SLC26A7: variants seen among roughly 807,000 people sequenced by gnomAD.
SLC26A7 encodes solute carrier family 26 member 7, also known as anion exchange transporter.
SLC26A7 carries 59 observed loss-of-function variants against 82.5 expected under a neutral mutation model. The ratio of observed to expected loss-of-function variants is 0.72; its 90% CI spans 0.58 to 0.89. The LOEUF is 0.89. Ranked by LOEUF, SLC26A7 falls within the 40% of genes least tolerant of loss-of-function variation. The pLI is 0.00. For missense variants in SLC26A7, 820 were observed against 793.0 expected (o/e 1.03, Z -0.41); for synonymous variants, 271 against 274.3 (o/e 0.99, Z 0.12).
Position 91,365,943 on chromosome 8 carries a change from C to T in SLC26A7, c.1489-637C>T, listed in dbSNP as rs564354887. Among the ~76,000 whole-genome samples the T allele has an allele frequency of 2.0e-4, 31 of 152,292 alleles. 1 individual carries two copies. The South Asian group carries it at 5.8e-3, about 29-fold the overall frequency. On this transcript the variant is annotated intron_variant, in intron 13 of 18. Coordinates refer to ENST00000276609, the MANE Select transcript of SLC26A7 (RefSeq NM_052832.4). ...AGAAGACTGTTTTAGTTGCACATCA[C>T]CAAGTGACGGGAAAATGGCCAAAGC...
intron 2 of SLC26A7, among the ~76,000 whole-genome samples, chr8:91,225,299 A>C (rs1419277220): frequency 1.3e-5 from 2 of 152,268 alleles, no homozygotes; most frequent in Middle Eastern, 3.4e-3. Context: ...TCCCAGTGGC[A>C]TGGGTTTGCA....
At chr8:91,225,820 T>A (rs1471740170) in intron 2 of SLC26A7, among the ~76,000 whole-genome samples, 3 of 152,018 alleles carry the variant, frequency 2.0e-5, no homozygotes, top group Non-Finnish European at 1.5e-5. Context: ...CCTTGTCAGA[T>A]TCCAAGGTAC....
intron 15 of SLC26A7, among the ~76,000 whole-genome samples, chr8:91,378,395 A>G (rs940445602): frequency 6.8e-6 from 1 of 146,962 alleles, no homozygotes; most frequent in Non-Finnish European, 1.5e-5. Context: ...TATATATTAT[A>G]TATAATATAA....
chr8:91,297,284 T>C (rs1467723887), intron 4 of SLC26A7, among the ~76,000 whole-genome samples: 1 of 151,964 alleles, frequency 6.6e-6, no homozygotes, highest in Non-Finnish European at 1.5e-5. Flanking sequence ...AACCTTCTGC[T>C]TAGTCTCATT....
At chr8:91,293,886 G>A (rs917508915) in intron 3 of SLC26A7, among the ~76,000 whole-genome samples, 12 of 152,012 alleles carry the variant, frequency 7.9e-5, no homozygotes, top group Non-Finnish European at 1.8e-4. Flanking sequence ...ATATAACCTC[G>A]GAAATATGTC....
chr8:91,308,121 A>G (rs1466383437), intron 4 of SLC26A7, among the ~76,000 whole-genome samples: 2 of 152,056 alleles, frequency 1.3e-5, no homozygotes, highest in East Asian at 3.9e-4. Flanking sequence ...GACTTTTTAA[A>G]TTTTTAATTA....
intron 3 of SLC26A7, 105 bp from the exon 4 acceptor site, chr8:91,295,426 A>G: frequency 7.8e-7 from 1 of 1,277,888 alleles, no homozygotes; most frequent in African/African-American, 1.5e-5. Flanking sequence ...TGTTTCTAAT[A>G]GATCTGTTTG....
chr8:91,336,425 G>A (rs577251706), intron 6 of SLC26A7, among the ~76,000 whole-genome samples: 4 of 152,108 alleles, frequency 2.6e-5, no homozygotes, highest in South Asian at 2.1e-4. Flanking sequence ...AACTTCACAC[G>A]TGAGAAATCT....
chr8:91,309,491 A>C (rs1401516223), intron 4 of SLC26A7, among the ~76,000 whole-genome samples: 1 of 151,426 alleles, frequency 6.6e-6, no homozygotes, highest in Admixed American at 6.6e-5. Flanking sequence ...TCCAGTATAT[A>C]TAATATATAA....
Position 91,395,799 on chromosome 8 carries a change from T to C in SLC26A7, c.*702T>C, listed in dbSNP as rs1222021840. 6.6e-6 allele frequency: 1 copy of C among 152,104 alleles called. No homozygotes were observed. Among genetic ancestry groups the C allele is most frequent in the East Asian group, 1.9e-4 (1 of 5,198 alleles). 9.4% of individuals were successfully genotyped at this position (152,104 alleles called of 1,614,324 possible). Reference sequence around the variant, plus strand: ...GTGAATATTGGAAATGCTTAGGATCTTCAGACCCAATAGCTCTAATTTTAA... The same window carrying C: ...GTGAATATTGGAAATGCTTAGGATCCTCAGACCCAATAGCTCTAATTTTAA... On this transcript the variant is annotated 3_prime_UTR_variant, in exon 19 of 19. Transcript: ENST00000276609.
intron 2 of SLC26A7, among the ~76,000 whole-genome samples, chr8:91,224,592 C>A (rs1321188702): frequency 2.0e-5 from 3 of 152,168 alleles, no homozygotes; most frequent in African/African-American, 7.2e-5. Flanking sequence ...TTGAGAGGCC[C>A]CAACCCCTGA....
chr8:91,371,577 C>A (rs1349948693), intron 15 of SLC26A7, among the ~76,000 whole-genome samples: 4 of 151,878 alleles, frequency 2.6e-5, no homozygotes, highest in Non-Finnish European at 4.4e-5. Context: ...TAATTTCATT[C>A]TTTTCTATGG....
At chr8:91,277,869 A>G (rs1413167494) in intron 2 of SLC26A7, among the ~76,000 whole-genome samples, 1 of 152,108 alleles carries the variant, frequency 6.6e-6, no homozygotes, top group Non-Finnish European at 1.5e-5. Flanking sequence ...TTCCCCCCCA[A>G]ATTAGTGACT....
intron 2 of SLC26A7, among the ~76,000 whole-genome samples, chr8:91,274,812 T>C (rs1306998464): frequency 6.6e-6 from 1 of 152,218 alleles, no homozygotes; most frequent in Non-Finnish European, 1.5e-5. Context: ...AGATTTTAGC[T>C]TTGCTACCTG....
chr8:91,223,920 T>A (rs1365208566), intron 2 of SLC26A7, among the ~76,000 whole-genome samples: 1 of 151,920 alleles, frequency 6.6e-6, no homozygotes, highest in East Asian at 1.9e-4. Context: ...CTTATTTCAG[T>A]AAGGTGGTCT....
In SLC26A7 at chr8:91,303,869, CAGG is replaced by C. The variant is rs377478940; in HGVS notation, c.477+8174_477+8176del. Among the ~76,000 whole-genome samples the C allele has an allele frequency of 1.2e-3, 178 of 152,262 alleles. 1 individual carries two copies. The East Asian group carries it at 0.024, about 21-fold the overall frequency. On this transcript the variant is annotated intron_variant, in intron 4 of 18. Transcript: ENST00000276609. ...TCATCAACTTTCTTCTTTTGTAATG[CAGG>C]AGGAGGACAATCTGAAATCTCTTTT...
At chr8:91,259,363 T>G (rs897366949) in intron 2 of SLC26A7, among the ~76,000 whole-genome samples, 1 of 152,138 alleles carries the variant, frequency 6.6e-6, no homozygotes, top group Non-Finnish European at 1.5e-5. Context: ...TGTTTTATTC[T>G]GCTCAGCTCT....
intron 15 of SLC26A7, among the ~76,000 whole-genome samples, chr8:91,385,197 T>G (rs1814768931): frequency 6.6e-6 from 1 of 152,216 alleles, no homozygotes; most frequent in Admixed American, 6.5e-5. Flanking sequence ...TATAGATTAG[T>G]TGTCTCCTTT....
At chr8:91,299,351 T>C (rs1010321411) in intron 4 of SLC26A7, among the ~76,000 whole-genome samples, 1 of 152,104 alleles carries the variant, frequency 6.6e-6, no homozygotes, top group Admixed American at 6.5e-5. Context: ...TTTGAGTCAT[T>C]GTTAGCTTTT....
Sources: gnomAD v4.1 joint callset for allele counts (sites outside exome capture counted in the v4.1 genomes callset) on GRCh38, gnomAD v4.1.1 for gene constraint, MANE v1.5 for transcripts, NCBI Gene and HGNC (gene_info 2026-07-23, HGNC 2026-07-21) for gene names.